Variants in CAMK2B observed in about 807,000 individuals in gnomAD.
CAMK2B encodes the protein calcium/calmodulin dependent protein kinase II beta.
CAMK2B carries 27 observed loss-of-function variants against 93.7 expected under a neutral mutation model. The observed-to-expected ratio is 0.29, with a 90% CI of 0.21 to 0.40. The LOEUF (loss-of-function observed/expected upper bound fraction) is 0.40. Among genes scored for constraint, CAMK2B ranks in the 10% least tolerant of loss-of-function variants. CAMK2B has a pLI of 1.00. For synonymous variants in CAMK2B, 374 were observed against 358.8 expected (o/e 1.04, Z -0.48); for missense variants, 568 against 895.8 (o/e 0.63, Z 4.67).
intron 12 of CAMK2B, 38 bp downstream of exon 12, chr7:44,240,669 G>T (rs764119384): frequency 5.0e-6 from 8 of 1,610,878 alleles, no homozygotes; most frequent in Non-Finnish European, 6.8e-6. Context: ...CCAGCAGGGA[G>T]GGGGCAGCGC....
At chr7:44,228,196 A>AG (rs1326285920) in intron 19 of CAMK2B, among the ~76,000 whole-genome samples, 6 of 151,966 alleles carry the variant, frequency 3.9e-5, no homozygotes, top group African/African-American at 1.5e-4. Flanking sequence ...GTTACAGAGG[A>AG]GGCCTGGCCT....
chr7:44,288,002 C>T (rs1785606270), intron 1 of CAMK2B, among the ~76,000 whole-genome samples: 2 of 152,234 alleles, frequency 1.3e-5, no homozygotes, highest in African/African-American at 4.8e-5. Flanking sequence ...CTACAAGCAA[C>T]ACAGTGGGCT....
chr7:44,317,401 AAAGGAATGCAAAATAGCT>A (rs1795065505), intron 1 of CAMK2B, among the ~76,000 whole-genome samples: 1 of 152,206 alleles, frequency 6.6e-6, no homozygotes, highest in Non-Finnish European at 1.5e-5. Context: ...CGTAGTACAA[AAAGGAATGCAAAATAGCT>A]TAATAATTTC....
chr7:44,240,560 G>A (rs1584058709), intron 12 of CAMK2B, 147 bp downstream of exon 12: 1 of 863,320 alleles, frequency 1.2e-6, no homozygotes, highest in Non-Finnish European at 1.9e-6. Flanking sequence ...GGGCCAGGTG[G>A]GCAGTGGGTC....
At chr7:44,221,893 T>C (rs187666701) in intron 20 of CAMK2B, among the ~76,000 whole-genome samples, 1 of 152,322 alleles carries the variant, frequency 6.6e-6, no homozygotes, top group East Asian at 1.9e-4. Context: ...CGGATTCAAA[T>C]CTTAACATTT....
intron 19 of CAMK2B, among the ~76,000 whole-genome samples, chr7:44,226,891 A>G (rs561607540): frequency 2.5e-5 from 1 of 39,512 alleles, no homozygotes; most frequent in East Asian, 6.2e-4. Context: ...CTTGGGGGAC[A>G]GAGAGGGAAA....
At chr7:44,309,394 A>C (rs115597685) in intron 1 of CAMK2B, among the ~76,000 whole-genome samples, 2,026 of 152,174 alleles carry the variant, frequency 0.013, 53 homozygotes, top group African/African-American at 0.046. Flanking sequence ...CCGAGCTCTG[A>C]GCCAGCAGGA....
intron 4 of CAMK2B, among the ~76,000 whole-genome samples, chr7:44,257,015 T>C (rs1222235126): frequency 6.6e-6 from 1 of 152,210 alleles, no homozygotes; most frequent in African/African-American, 2.4e-5. Flanking sequence ...TGGCTGATTC[T>C]TGGCTTCAGC....
At chr7:44,289,551 G>A (rs999075267) in intron 1 of CAMK2B, among the ~76,000 whole-genome samples, 6 of 152,324 alleles carry the variant, frequency 3.9e-5, no homozygotes, top group South Asian at 4.1e-4. Context: ...AGCCTATCCC[G>A]TGTGGTCACG....
chr7:44,231,150 C>A, intron 16 of CAMK2B, 96 bp from the exon 17 acceptor site: 2 of 884,052 alleles, frequency 2.3e-6, no homozygotes, highest in East Asian at 2.7e-5. Flanking sequence ...GTGTCAGGAC[C>A]AGCCCAGGCT....
chr7:44,250,047 G>A (rs1052861288), intron 5 of CAMK2B, among the ~76,000 whole-genome samples: 3 of 152,188 alleles, frequency 2.0e-5, no homozygotes, highest in Admixed American at 1.3e-4. Context: ...CCATTGTCAC[G>A]CAGCCTCCAG....
At chr7:44,306,619 G>A (rs10251848) in intron 1 of CAMK2B, among the ~76,000 whole-genome samples, 1 of 152,352 alleles carries the variant, frequency 6.6e-6, no homozygotes, top group Non-Finnish European at 1.5e-5. Context: ...CTGTCTCTTA[G>A]CCCTGGACCC....
At chr7:44,307,797 T>C (rs950355910) in intron 1 of CAMK2B, among the ~76,000 whole-genome samples, 32 of 152,156 alleles carry the variant, frequency 2.1e-4, no homozygotes, top group African/African-American at 5.6e-4. Context: ...TTCCTGTTTT[T>C]ACCCACTGAA....
Position 44,243,488 on chromosome 7 carries a change from C to T in CAMK2B, c.454G>A (p.Ala152Thr). ...AGGCCGAAGTCTGCCAGCTTCACTGCAGCCCCTTTGCACTTGCTGGCCAGA... is the reference window on the plus strand; with the variant it reads ...AGGCCGAAGTCTGCCAGCTTCACTGTAGCCCCTTTGCACTTGCTGGCCAGA... ...LLLASKCKGA[A>T]VKLADFGLAI... Residue 152 changes from alanine to threonine, a missense_variant, in exon 7 of 24, where the codon GCA (alanine) becomes ACA (threonine). Physicochemically the swap from Ala to Thr is moderately conservative, Grantham distance 58. Transcript: ENST00000395749. 1 of 1,614,108 alleles carries T rather than the reference C, an allele frequency of 6.2e-7. No individual in the cohort carries two copies. Among genetic ancestry groups the T allele is most frequent in the Non-Finnish European group, 8.5e-7 (1 of 1,180,012 alleles).
At chr7:44,251,030 C>T (rs1362676007) in intron 5 of CAMK2B, among the ~76,000 whole-genome samples, 1 of 152,190 alleles carries the variant, frequency 6.6e-6, no homozygotes, top group Non-Finnish European at 1.5e-5. Flanking sequence ...TCTTCTTGTT[C>T]CTTAGATGGG....
chr7:44,324,626 G>T (rs1311299361), intron 1 of CAMK2B, among the ~76,000 whole-genome samples: 1 of 151,838 alleles, frequency 6.6e-6, no homozygotes, highest in Non-Finnish European at 1.5e-5. Flanking sequence ...CCCGCCAACA[G>T]TCCAAAATCC....
At chr7:44,315,952 T>A (rs1236554848) in intron 1 of CAMK2B, among the ~76,000 whole-genome samples, 2 of 152,220 alleles carry the variant, frequency 1.3e-5, no homozygotes, top group Non-Finnish European at 2.9e-5. Flanking sequence ...AATAGTTTTT[T>A]AAATGGATTC....
chr7:44,258,168 C>A (rs1391540557), intron 4 of CAMK2B, among the ~76,000 whole-genome samples: 1 of 152,232 alleles, frequency 6.6e-6, no homozygotes, highest in Non-Finnish European at 1.5e-5. Context: ...CGGCCCCAGA[C>A]ACCTTCTCAC....
Position 44,217,896 on chromosome 7 carries a change from G to A in CAMK2B, c.*1629C>T, listed in dbSNP as rs78359497. The stretch of plus-strand genomic sequence containing the variant: ...CCCACCCTGCAGCCCCACCATGCTC[G>A]GGCTTGCCCTGTCCCCGAGCTCCCC... On this transcript the variant is annotated 3_prime_UTR_variant, in exon 24 of 24. Coordinates refer to ENST00000395749, the MANE Select transcript of CAMK2B (RefSeq NM_001220.5). The A allele has an allele frequency of 0.021, 3,239 of 152,058 alleles. 232 individuals carry two copies. Among genetic ancestry groups the A allele is most frequent in the East Asian group, 0.17 (848 of 5,130 alleles). 9.4% of individuals were successfully genotyped at this position (152,058 alleles called of 1,614,324 possible). A position where few individuals can be genotyped will look rare whatever the true frequency, so the allele number is the denominator to read the frequency against.
Sources: gnomAD v4.1 joint callset for allele counts (sites outside exome capture counted in the v4.1 genomes callset) on GRCh38, gnomAD v4.1.1 for gene constraint, MANE v1.5 for transcripts, NCBI Gene and HGNC (gene_info 2026-07-23, HGNC 2026-07-21) for gene names.